The following UBR4 variants were observed in gnomAD, a reference collection of about 807,000 sequenced individuals.
The protein encoded by UBR4 is ubiquitin protein ligase E3 component n-recognin 4.
A neutral mutation model predicts 575.6 loss-of-function variants in UBR4; 124 were observed. The ratio of observed to expected loss-of-function variants is 0.22; its 90% CI spans 0.19 to 0.25. The LOEUF (loss-of-function observed/expected upper bound fraction) is 0.25. Ranked by LOEUF, UBR4 falls within the 10% of genes least tolerant of loss-of-function variation. The pLI is 1.00. For missense variants in UBR4, 4,818 were observed against 6,478.8 expected (o/e 0.74, Z 8.80); for synonymous variants, 2,455 against 2,473.7 (o/e 0.99, Z 0.22).
At position 19,122,820 on chromosome 1, in the gene UBR4, C is replaced by T; in HGVS notation, c.9816+13G>A. On this transcript the variant is annotated intron_variant, in intron 66 of 105. Coordinates refer to ENST00000375254, the MANE Select transcript of UBR4 (RefSeq NM_020765.3). The stretch of plus-strand genomic sequence containing the variant: ...TCCCCCCTCCCTGCCCTACCAGGTC[C>T]CAGCCCTCGTACCAGGCTGATGAGT... 1 of 1,613,966 alleles carries T rather than the reference C, an allele frequency of 6.2e-7. No homozygotes were observed. The highest frequency in any genetic ancestry group is 1.1e-5 in the South Asian group (1 of 91,082).
At position 19,156,174 on chromosome 1, in the gene UBR4, G is replaced by T. The variant is rs749149843; in HGVS notation, c.6072+97C>A. The T allele has an allele frequency of 2.6e-6, 4 of 1,515,406 alleles. No homozygotes were observed. In the East Asian group the frequency reaches 9.1e-5, roughly 34 times the overall value. The allele number at this position is 1,515,406 out of a possible 1,614,324, so 93.9% of individuals were successfully genotyped here. The stretch of plus-strand genomic sequence containing the variant: ...CAGGTGAAAGTCATGGCACCCAGCT[G>T]ATTTTTTTAACTCCTGGGAGAAGCT... On this transcript the variant is annotated intron_variant, in intron 42 of 105. Coordinates refer to ENST00000375254, the MANE Select transcript of UBR4 (RefSeq NM_020765.3).
intron 49 of UBR4, among the ~76,000 whole-genome samples, 166 bp from the exon 50 acceptor site, chr1:19,148,792 A>G (rs762708848): frequency 2.6e-5 from 4 of 152,244 alleles, no homozygotes; most frequent in Non-Finnish European, 5.9e-5. Context: ...ATCGTTTCCT[A>G]CGTTACAGGC....
At chr1:19,135,708 G>A (rs764416897) in intron 60 of UBR4, among the ~76,000 whole-genome samples, 2 of 152,090 alleles carry the variant, frequency 1.3e-5, no homozygotes, top group Admixed American at 6.5e-5. Context: ...GAGACATGAA[G>A]AAGAGAATAT....
rs1384212736 is a variant in UBR4 at position 19,179,117 on chromosome 1, A to G, written c.2288T>C (p.Ile763Thr). The part of the protein sequence containing the change: ...SLSVLSRLLL[I>T]WQHKASAQGD... ...TTGAGCACTGGCTTTATGTTGCCAG[A>G]TGAGCAGGAGGCGTGAAAGCACAGA... The change falls in exon 18 of 106, where the codon ATC becomes ACC. Residue 763 changes from isoleucine (I) to threonine (T), a missense_variant. Ile to Thr is a moderately conservative substitution (Grantham distance 89). Coordinates refer to ENST00000375254, the MANE Select transcript of UBR4 (RefSeq NM_020765.3). 1 of 1,613,938 alleles carries G rather than the reference A, an allele frequency of 6.2e-7. No homozygotes were observed.
chr1:19,132,393 G>C (rs2082589446), intron 60 of UBR4, among the ~76,000 whole-genome samples: 2 of 151,820 alleles, frequency 1.3e-5, no homozygotes, highest in Non-Finnish European at 2.9e-5. Context: ...TGTTGAGCAG[G>C]CTGGTTTTGA....
In UBR4 at chr1:19,160,280, G is replaced by C. The variant is rs2150508013; in HGVS notation, c.5408C>G (p.Ala1803Gly). The change falls in exon 39 of 106, where the codon GCC (alanine) becomes GGC (glycine). Residue 1803 changes from alanine to glycine, a missense_variant and splice_region_variant. By Grantham distance (60) the Ala-to-Gly change is moderately conservative (BLOSUM62 0). Transcript: ENST00000375254. ...EGCREELQNQ[A>G]NFSFAPLVLD... The stretch of plus-strand genomic sequence containing the variant: ...CACGAGAGGAGCGAAGGAGAAATTG[G>C]CCTGAGAAAAATAGAAAAAATACAC... 6.3e-7 allele frequency: 1 copy of C among 1,593,424 alleles called. No homozygotes were observed. Among genetic ancestry groups the C allele is most frequent in the East Asian group, 2.3e-5 (1 of 44,432 alleles).
rs1250114314 is a variant in UBR4 at position 19,167,118 on chromosome 1, A to C, written c.4013T>G (p.Leu1338Trp). 6.2e-7 allele frequency: 1 copy of C among 1,614,240 alleles called. No homozygotes were observed. The highest frequency in any genetic ancestry group is 2.2e-5 in the East Asian group (1 of 44,892). Reference protein sequence around the residue: ...EISSNSLERILGPAESDEFLA... With the variant: ...EISSNSLERIWGPAESDEFLA... ...GAACTCATCAGACTCAGCAGGGCCC[A>C]AGATGCGTTCCAGGGAGTTGCTACT... is the stretch of plus-strand genomic sequence containing the variant. The change falls in exon 29 of 106, where the codon TTG becomes TGG. Residue 1338 changes from leucine (L) to tryptophan (W), a missense_variant. Leu to Trp is a moderately conservative substitution (Grantham distance 61). Transcript: ENST00000375254.
Position 19,187,156 on chromosome 1 carries a change from C to A in UBR4, c.1632+8G>T, listed in dbSNP as rs751248283. The A allele has an allele frequency of 6.2e-7, 1 of 1,602,102 alleles. No individual in the cohort carries two copies. The highest frequency in any genetic ancestry group is 1.1e-5 in the South Asian group (1 of 89,446). ...TTCTAAATTATCAATGGCTTAACTCCCACCCACCTTTCTGTAGGAAGTTGA... is the reference window on the plus strand; with the variant it reads ...TTCTAAATTATCAATGGCTTAACTCACACCCACCTTTCTGTAGGAAGTTGA... On this transcript the variant is annotated splice_region_variant and intron_variant, in intron 13 of 105. Transcript: ENST00000375254.
Position 19,146,960 on chromosome 1 carries a change from G to A in UBR4, c.7670C>T (p.Thr2557Ile), listed in dbSNP as rs1159007422. Residue 2557 changes from threonine to isoleucine, a missense_variant, in exon 52 of 106, where the codon ACA (threonine) becomes ATA (isoleucine). Thr to Ile is a moderately conservative substitution (Grantham distance 89). Transcript: ENST00000375254. ...CAAATCCTTGCCCTCTTTGCTAGAT[G>A]TGTTGAGACACTGCACAGCTTTGCT... ...LLSKAVQCLNTSSKEGKDLDP... is the reference protein window; with the variant it reads ...LLSKAVQCLNISSKEGKDLDP... 2 of 1,613,536 alleles carry A rather than the reference G, an allele frequency of 1.2e-6. No homozygotes were observed. Among genetic ancestry groups the A allele is most frequent in the Non-Finnish European group, 1.7e-6 (2 of 1,179,662 alleles).
At chr1:19,104,756 A>G (rs1479793316) in intron 85 of UBR4, 90 bp from the exon 86 acceptor site, 3 of 1,368,252 alleles carry the variant, frequency 2.2e-6, no homozygotes, top group African/African-American at 2.9e-5. Context: ...GCAGCACCAG[A>G]CACTCTGTAG....
At chr1:19,176,372 G>A (rs1439030307) in intron 20 of UBR4, among the ~76,000 whole-genome samples, 1 of 152,196 alleles carries the variant, frequency 6.6e-6, no homozygotes, top group Non-Finnish European at 1.5e-5. Context: ...GGGATTACAG[G>A]CATGAGCCAC....
chr1:19,162,690 T>A (rs2087580133), intron 34 of UBR4, 79 bp from the exon 35 acceptor site: 1 of 1,455,958 alleles, frequency 6.9e-7, no homozygotes, highest in Non-Finnish European at 9.2e-7. Flanking sequence ...CTTTTTCAAA[T>A]AAAGCTCAAG....
chr1:19,120,266 C>T lies in UBR4; in HGVS notation c.10224G>A (p.Leu3408=), dbSNP rs779922037. ...QLNKFADKET[L]IQFLRCFLLE... The stretch of plus-strand genomic sequence containing the variant: ...ACAGGAAACAACGCAGGAACTGGAT[C>T]AGGGTTTCCTTATCGGCAAATTTGT... The change falls in exon 69 of 106, where the codon CTG becomes CTA. Residue 3408 remains leucine (L), a synonymous_variant. Coordinates refer to ENST00000375254, the MANE Select transcript of UBR4 (RefSeq NM_020765.3). The T allele has an allele frequency of 1.9e-6, 3 of 1,614,182 alleles. No individual in the cohort carries two copies. Among genetic ancestry groups the T allele is most frequent in the Non-Finnish European group, 2.5e-6 (3 of 1,180,038 alleles).
chr1:19,165,939 T>C (rs1227858718), intron 29 of UBR4, among the ~76,000 whole-genome samples, 182 bp from the exon 30 acceptor site: 1 of 152,236 alleles, frequency 6.6e-6, no homozygotes, highest in Non-Finnish European at 1.5e-5. Flanking sequence ...GTTTACTGAA[T>C]TAATAGCAGC....
At chr1:19,187,093 T>C (rs1021668351) in intron 13 of UBR4, 71 bp downstream of exon 13, 27 of 900,532 alleles carry the variant, frequency 3.0e-5, no homozygotes, top group African/African-American at 2.0e-4. Flanking sequence ...TATATATATA[T>C]ATACATATAT....
intron 28 of UBR4, 99 bp from the exon 29 acceptor site, chr1:19,167,330 A>AC: frequency 7.5e-7 from 1 of 1,332,866 alleles, no homozygotes; most frequent in Non-Finnish European, 1.1e-6. Context: ...GGAAGAGGGG[A>AC]AGGGGAATTG....
intron 69 of UBR4, among the ~76,000 whole-genome samples, chr1:19,119,957 G>A (rs1419983513): frequency 6.6e-6 from 1 of 152,088 alleles, no homozygotes; most frequent in Admixed American, 6.6e-5. Context: ...TACAAACCCC[G>A]ATACATAGCC....
intron 105 of UBR4, among the ~76,000 whole-genome samples, chr1:19,076,279 C>T (rs957970351): frequency 1.4e-4 from 21 of 152,230 alleles, no homozygotes; most frequent in Non-Finnish European, 2.8e-4. Context: ...TCCCTGGGGT[C>T]AACTGTGACC....
rs1201079399 is a variant in UBR4 at position 19,121,184 on chromosome 1, C to T, written c.10141+5G>A. On this transcript the variant is annotated splice_donor_5th_base_variant and intron_variant, in intron 68 of 105. Coordinates refer to ENST00000375254, the MANE Select transcript of UBR4 (RefSeq NM_020765.3). ...TAGTCACAATGACAAGAGGGTGACC[C>T]TTACCATCTTTCTCCTTTTCTTTTT... 6.2e-7 allele frequency: 1 copy of T among 1,613,266 alleles called. No individual in the cohort carries two copies. Among genetic ancestry groups the T allele is most frequent in the Non-Finnish European group, 8.5e-7 (1 of 1,179,778 alleles).
Sources: allele counts gnomAD v4.1 joint callset (sites outside exome capture counted in the v4.1 genomes callset), GRCh38; gene constraint gnomAD v4.1.1; transcripts MANE v1.5; gene names NCBI Gene and HGNC (gene_info 2026-07-23, HGNC 2026-07-21).